The following NEGR1 variants were observed in gnomAD, a reference collection of about 807,000 sequenced individuals.
The protein encoded by NEGR1 is IgLON family member 4.
In NEGR1, 10 loss-of-function variants were observed where a neutral mutation model predicts 40.9. That is an observed-to-expected ratio of 0.24 (90% confidence interval 0.15 to 0.42). NEGR1 has a LOEUF of 0.42. Among genes scored for constraint, NEGR1 ranks in the 10% least tolerant of loss-of-function variants. The pLI, the probability that NEGR1 is intolerant of heterozygous loss-of-function variation, is 1.00. For synonymous variants in NEGR1, 185 were observed against 166.8 expected (o/e 1.11, Z -0.84); for missense variants, 352 against 438.9 (o/e 0.80, Z 1.77).
chr1:71,899,702 A>T (rs562216592), intron 2 of NEGR1, among the ~76,000 whole-genome samples: 1 of 152,142 alleles, frequency 6.6e-6, no homozygotes, highest in African/African-American at 2.4e-5. Flanking sequence ...TTTAATCAAA[A>T]GTCTTCTTAT....
intron 2 of NEGR1, among the ~76,000 whole-genome samples, chr1:71,878,084 C>T (rs1570459198): frequency 1.3e-5 from 2 of 152,220 alleles, no homozygotes; most frequent in South Asian, 4.1e-4. Context: ...AATGCCGACT[C>T]TTACTATTTT....
intron 6 of NEGR1, among the ~76,000 whole-genome samples, chr1:71,475,327 G>T (rs1396179769): frequency 6.6e-6 from 1 of 151,772 alleles, no homozygotes; most frequent in African/African-American, 2.4e-5. Context: ...TTGAATAATA[G>T]GCACTTCTTC....
intron 1 of NEGR1, among the ~76,000 whole-genome samples, chr1:71,936,336 ATGGATT>A (rs1228973117): frequency 1.3e-5 from 2 of 152,218 alleles, no homozygotes; most frequent in Admixed American, 6.5e-5. Context: ...TAAGATATCT[ATGGATT>A]TAAACAGGTA....
In NEGR1 at chr1:71,398,296, G is replaced by A. The variant is rs963111259; in HGVS notation, c.*9150C>T. On this transcript the variant is annotated 3_prime_UTR_variant, in exon 7 of 7. Transcript: ENST00000357731. ...CAGCTTGCACCATGCACCTGGAAAAGGCACAGACACTCAATGCCAGCTGGT... is the reference window on the plus strand; with the variant it reads ...CAGCTTGCACCATGCACCTGGAAAAAGCACAGACACTCAATGCCAGCTGGT... The A allele has an allele frequency of 6.6e-6, 1 of 152,534 alleles. No homozygotes were observed. The highest frequency in any genetic ancestry group is 2.4e-5 in the African/African-American group (1 of 41,476). 9.4% of individuals were successfully genotyped at this position (152,534 alleles called of 1,614,324 possible). A position where few individuals can be genotyped will look rare whatever the true frequency, so the allele number is the denominator to read the frequency against.
At chr1:71,446,834 A>G (rs1646585918) in intron 6 of NEGR1, among the ~76,000 whole-genome samples, 1 of 152,202 alleles carries the variant, frequency 6.6e-6, no homozygotes, top group South Asian at 2.1e-4. Flanking sequence ...AAGAGTAACC[A>G]TTATGTTGAC....
At chr1:72,049,779 G>A (rs954051065) in intron 1 of NEGR1, among the ~76,000 whole-genome samples, 1 of 151,546 alleles carries the variant, frequency 6.6e-6, no homozygotes, top group Non-Finnish European at 1.5e-5. Context: ...TTGGCATACT[G>A]TAGGGCATTA....
chr1:72,104,341 G>A (rs1431201448), intron 1 of NEGR1, among the ~76,000 whole-genome samples: 5 of 152,090 alleles, frequency 3.3e-5, no homozygotes, highest in Non-Finnish European at 7.4e-5. Flanking sequence ...AAAGTAGTAA[G>A]GTCAGAGTCA....
intron 6 of NEGR1, among the ~76,000 whole-genome samples, chr1:71,462,361 A>G (rs1349230843): frequency 2.0e-5 from 3 of 152,132 alleles, no homozygotes; most frequent in African/African-American, 4.8e-5. Flanking sequence ...GAGCCCTTTC[A>G]TGATAGCATG....
At chr1:71,609,678 C>T (rs17091485) in intron 5 of NEGR1, among the ~76,000 whole-genome samples, 6,613 of 151,814 alleles carry the variant, frequency 0.044, 361 homozygotes, top group African/African-American at 0.12. Context: ...GCATCACATA[C>T]GTTCTTATCC....
chr1:71,842,865 A>G (rs1659289242), intron 2 of NEGR1, among the ~76,000 whole-genome samples: 1 of 152,194 alleles, frequency 6.6e-6, no homozygotes, highest in Admixed American at 6.5e-5. Context: ...CAACCAAAGA[A>G]TCTGTTTTTC....
intron 3 of NEGR1, among the ~76,000 whole-genome samples, chr1:71,766,874 C>G (rs536879503): frequency 3.9e-5 from 6 of 152,114 alleles, no homozygotes; most frequent in African/African-American, 1.4e-4. Context: ...AGAACCTCCC[C>G]CTTCTCTCTC....
chr1:71,781,542 C>A (rs1248493424), intron 2 of NEGR1, among the ~76,000 whole-genome samples: 1 of 152,164 alleles, frequency 6.6e-6, no homozygotes, highest in African/African-American at 2.4e-5. Context: ...TGGAGGCTGT[C>A]TTTAGGATGC....
At chr1:72,127,411 C>T (rs1650065541) in intron 1 of NEGR1, among the ~76,000 whole-genome samples, 1 of 129,588 alleles carries the variant, frequency 7.7e-6, no homozygotes, top group South Asian at 2.5e-4. Context: ...TTGCAGTGAG[C>T]CGAGATCACA....
intron 6 of NEGR1, among the ~76,000 whole-genome samples, chr1:71,554,753 T>G (rs1471977602): frequency 1.3e-5 from 2 of 151,554 alleles, no homozygotes; most frequent in Non-Finnish European, 3.0e-5. Flanking sequence ...GAATACATTT[T>G]GAGCATCAAG....
At chr1:71,560,229 G>A (rs913945097) in intron 6 of NEGR1, among the ~76,000 whole-genome samples, 1 of 150,900 alleles carries the variant, frequency 6.6e-6, no homozygotes, top group Non-Finnish European at 1.5e-5. Flanking sequence ...TAAAGATGAG[G>A]AATTTCAGCT....
At chr1:71,876,203 A>C (rs942064325) in intron 2 of NEGR1, among the ~76,000 whole-genome samples, 5 of 152,284 alleles carry the variant, frequency 3.3e-5, no homozygotes, top group Middle Eastern at 3.4e-3. Flanking sequence ...GGAAAAGTCC[A>C]GTATAGTTCT....
At chr1:72,150,972 A>G (rs1396505245) in intron 1 of NEGR1, among the ~76,000 whole-genome samples, 1 of 152,056 alleles carries the variant, frequency 6.6e-6, no homozygotes, top group Non-Finnish European at 1.5e-5. Flanking sequence ...CTCCTTTAGC[A>G]ATTGTTATTA....
intron 1 of NEGR1, among the ~76,000 whole-genome samples, chr1:71,946,837 T>C (rs1249777432): frequency 4.6e-5 from 7 of 151,946 alleles, no homozygotes. Context: ...TAAATATTTG[T>C]CCAGCACTTT....
chr1:72,005,908 A>T (rs975130022), intron 1 of NEGR1, among the ~76,000 whole-genome samples: 1 of 152,126 alleles, frequency 6.6e-6, no homozygotes, highest in Non-Finnish European at 1.5e-5. Flanking sequence ...AATAATGTTA[A>T]ATATACTTTT....
Sources: gnomAD v4.1 joint callset for allele counts (sites outside exome capture counted in the v4.1 genomes callset) on GRCh38, gnomAD v4.1.1 for gene constraint, MANE v1.5 for transcripts, NCBI Gene and HGNC (gene_info 2026-07-23, HGNC 2026-07-21) for gene names.